The following GPHN variants were observed in gnomAD, a reference collection of about 807,000 sequenced individuals.
The protein encoded by GPHN is gephyrin.
Under a neutral mutation model 95.5 loss-of-function variants are expected in GPHN, and 17 were observed. The ratio of observed to expected loss-of-function variants is 0.18; its 90% CI spans 0.12 to 0.27. GPHN has a LOEUF of 0.27. GPHN is among the 10% of genes least tolerant of loss of function. The pLI, the probability that GPHN is intolerant of heterozygous loss-of-function variation, is 1.00. For synonymous variants in GPHN, 320 were observed against 322.5 expected (o/e 0.99, Z 0.08); for missense variants, 660 against 978.1 (o/e 0.67, Z 4.34).
intron 6 of GPHN, among the ~76,000 whole-genome samples, chr14:66,921,870 T>A (rs770092299): frequency 3.2e-4 from 48 of 152,034 alleles, no homozygotes; most frequent in Admixed American, 2.1e-3. Flanking sequence ...GGCACATAGA[T>A]CAATGGAACA....
intron 9 of GPHN, among the ~76,000 whole-genome samples, chr14:66,982,260 G>C (rs2070729237): frequency 6.6e-6 from 1 of 152,054 alleles, no homozygotes; most frequent in African/African-American, 2.4e-5. Flanking sequence ...TCAGTTTTGG[G>C]AAACTGAGCT....
chr14:67,655,976 T>C, the GPHN span, among the ~76,000 whole-genome samples: 4 of 152,186 alleles, frequency 2.6e-5, no homozygotes, highest in Admixed American at 2.6e-4. Flanking sequence ...CCGGGCACAG[T>C]GGCTCACGCC....
chr14:66,604,385 T>C (rs2062409726), intron 1 of GPHN, among the ~76,000 whole-genome samples: 2 of 152,156 alleles, frequency 1.3e-5, no homozygotes, highest in African/African-American at 4.8e-5. Flanking sequence ...TGTATATAGA[T>C]ATTTGTATGC....
the GPHN span, among the ~76,000 whole-genome samples, chr14:67,596,295 A>ATTTT: frequency 0.12 from 7,111 of 60,144 alleles, 1,295 homozygotes; most frequent in African/African-American, 0.21. Flanking sequence ...CGCCCAGCTA[A>ATTTT]TTTTTTTTTT....
the GPHN span, chr14:67,340,498 G>A: frequency 2.2e-3 from 3,487 of 1,611,340 alleles, 9 homozygotes; most frequent in Non-Finnish European, 2.7e-3. Flanking sequence ...GCAAGAGTAC[G>A]TTCAATCCGG....
chr14:67,488,837 C>T, the GPHN span: 1 of 152,280 alleles, frequency 6.6e-6, no homozygotes, highest in Non-Finnish European at 1.5e-5. Context: ...GAAGCCCCAG[C>T]ACTCAGAAAG....
At chr14:66,662,764 G>T (rs1194408977) in intron 1 of GPHN, among the ~76,000 whole-genome samples, 1 of 152,224 alleles carries the variant, frequency 6.6e-6, no homozygotes, top group Non-Finnish European at 1.5e-5. Context: ...AAAATAGCCA[G>T]TATGGAGAAT....
chr14:67,101,170 T>A (rs1404557849), intron 13 of GPHN, among the ~76,000 whole-genome samples: 1 of 152,008 alleles, frequency 6.6e-6, no homozygotes, highest in Non-Finnish European at 1.5e-5. Context: ...AGACCTGTGA[T>A]TGGGTGATTC....
intron 5 of GPHN, among the ~76,000 whole-genome samples, 164 bp from the exon 6 acceptor site, chr14:66,915,839 G>C (rs1212748139): frequency 1.3e-5 from 2 of 152,222 alleles, no homozygotes; most frequent in East Asian, 1.9e-4. Context: ...ACTTCAACCA[G>C]AATGCCTAAT....
At chr14:66,957,612 T>C (rs1234641308) in intron 8 of GPHN, among the ~76,000 whole-genome samples, 2 of 152,188 alleles carry the variant, frequency 1.3e-5, no homozygotes, top group Admixed American at 6.5e-5. Flanking sequence ...CTAATATATA[T>C]GGTATATCCT....
Position 66,970,957 on chromosome 14 carries a change from A to C in GPHN, c.963+5632A>C, listed in dbSNP as rs191486611. On this transcript the variant is annotated intron_variant, in intron 9 of 22. Transcript: ENST00000478722. ...GCATTTCTCAAACATACTGGTCTCC[A>C]GACCCCTTCATGCTTTTAACAATTA... Among the ~76,000 whole-genome samples the C allele has an allele frequency of 1.1e-4, 16 of 152,344 alleles. No homozygotes were observed. In the East Asian group the frequency reaches 2.9e-3, roughly 28 times the overall value.
the GPHN span, among the ~76,000 whole-genome samples, chr14:67,257,923 G>C: frequency 1.4e-4 from 21 of 152,230 alleles, no homozygotes; most frequent in Admixed American, 8.5e-4. Context: ...CCCTTATATG[G>C]AGTGTGTAAA....
the GPHN span, chr14:67,620,177 G>A: frequency 3.2e-6 from 3 of 929,686 alleles, no homozygotes; most frequent in South Asian, 3.4e-5. Flanking sequence ...GGACCGGGAG[G>A]CGAGGAGAGG....
At chr14:67,434,505 G>A in the GPHN span, among the ~76,000 whole-genome samples, 1 of 152,210 alleles carries the variant, frequency 6.6e-6, no homozygotes, top group African/African-American at 2.4e-5. Flanking sequence ...GTCTATATCA[G>A]AGAAGAATCG....
intron 2 of GPHN, among the ~76,000 whole-genome samples, chr14:66,751,411 T>C (rs1462821522): frequency 6.6e-6 from 1 of 152,134 alleles, no homozygotes; most frequent in Non-Finnish European, 1.5e-5. Flanking sequence ...TATTTCATTG[T>C]GGTTTTTATT....
chr14:66,688,913 G>A (rs1344473980), intron 2 of GPHN, among the ~76,000 whole-genome samples: 1 of 151,656 alleles, frequency 6.6e-6, no homozygotes, highest in African/African-American at 2.4e-5. Flanking sequence ...GGGGCCTGTC[G>A]GGGGGTGGGG....
the GPHN span, among the ~76,000 whole-genome samples, chr14:67,479,574 C>T: frequency 7.3e-5 from 11 of 149,786 alleles, no homozygotes; most frequent in Non-Finnish European, 7.4e-5. Flanking sequence ...AAAAATTAGC[C>T]GGGCATGGTG....
Position 66,605,527 on chromosome 14 carries a change from A to ATTTTT in GPHN, c.65-75564_65-75560dup, listed in dbSNP as rs59245552. Among the ~76,000 whole-genome samples the ATTTTT allele has an allele frequency of 2.6e-4, 30 of 116,422 alleles. 2 individuals are homozygous for ATTTTT. Among genetic ancestry groups the ATTTTT allele is most frequent in the African/African-American group, 7.7e-4 (22 of 28,714 alleles). 76.4% of individuals were successfully genotyped at this position (116,422 alleles called of 152,430 possible). ...TGATAAGTGTCTATATCCTTTGCCG[A>ATTTTT]TTTTTTTTTTTTTTTTTTTTGAGAC... On this transcript the variant is annotated intron_variant, in intron 1 of 22. Coordinates refer to ENST00000478722, the MANE Select transcript of GPHN (RefSeq NM_020806.5).
At chr14:66,955,107 G>A (rs1185227904) in intron 8 of GPHN, among the ~76,000 whole-genome samples, 1 of 152,074 alleles carries the variant, frequency 6.6e-6, no homozygotes, top group Non-Finnish European at 1.5e-5. Context: ...TAGTGTCAGG[G>A]TAATACTGGC....
Sources: gnomAD v4.1 joint callset for allele counts (sites outside exome capture counted in the v4.1 genomes callset) on GRCh38, gnomAD v4.1.1 for gene constraint, MANE v1.5 for transcripts, NCBI Gene and HGNC (gene_info 2026-07-23, HGNC 2026-07-21) for gene names.